Variants in SORCS1 observed in about 807,000 individuals in gnomAD.
SORCS1 encodes the protein sortilin related VPS10 domain containing receptor 1.
SORCS1 carries 60 observed loss-of-function variants against 146.1 expected under a neutral mutation model. The observed-to-expected ratio is 0.41, with a 90% CI of 0.33 to 0.51. The LOEUF (loss-of-function observed/expected upper bound fraction) is 0.51. Ranked by LOEUF, SORCS1 falls within the 20% of genes least tolerant of loss-of-function variation. The probability of loss-of-function intolerance (pLI) is 0.21; values close to 1 mark genes in which losing one functional copy is unlikely to be tolerated. For synonymous variants in SORCS1, 637 were observed against 584.0 expected (o/e 1.09, Z -1.31); for missense variants, 1,352 against 1,487.6 (o/e 0.91, Z 1.50).
chr10:106,732,828 A>C (rs1050436463), intron 5 of SORCS1, among the ~76,000 whole-genome samples: 12 of 152,206 alleles, frequency 7.9e-5, no homozygotes, highest in Admixed American at 1.3e-4. Flanking sequence ...CAACAAACAA[A>C]AAACAGGCAA....
intron 1 of SORCS1, among the ~76,000 whole-genome samples, chr10:107,069,897 A>T (rs1203344121): frequency 6.6e-6 from 1 of 152,228 alleles, no homozygotes; most frequent in Non-Finnish European, 1.5e-5. Context: ...ATATTCAAAG[A>T]TTTGTGTGAC....
intron 1 of SORCS1, among the ~76,000 whole-genome samples, chr10:107,064,189 G>A (rs1961516163): frequency 1.3e-5 from 2 of 152,108 alleles, no homozygotes; most frequent in African/African-American, 4.8e-5. Context: ...CTTAGCTAGG[G>A]ATAGAAAAGA....
chr10:106,806,444 G>A (rs146451181), intron 3 of SORCS1, among the ~76,000 whole-genome samples: 29 of 131,950 alleles, frequency 2.2e-4, no homozygotes, highest in African/African-American at 4.5e-4. Flanking sequence ...ATGGAGTAGC[G>A]TCTACCTACC....
In SORCS1 at chr10:106,850,121, G is replaced by A. The variant is rs529588631; in HGVS notation, c.627-20448C>T. Reference sequence around the variant, plus strand: ...AGCTGTGGTGGGCTCCACCCAGTTCGAGCTTCCCGGCTGCTTTGTTTACCT... The same window carrying A: ...AGCTGTGGTGGGCTCCACCCAGTTCAAGCTTCCCGGCTGCTTTGTTTACCT... On this transcript the variant is annotated intron_variant, in intron 2 of 25. Coordinates refer to ENST00000263054, the MANE Select transcript of SORCS1 (RefSeq NM_052918.5). Among the ~76,000 whole-genome samples the A allele has an allele frequency of 1.8e-3, 266 of 151,882 alleles. 2 individuals are homozygous for A. The highest frequency in any genetic ancestry group is 6.8e-3 in the Middle Eastern group (2 of 294).
chr10:106,732,343 G>T (rs1345003219), intron 5 of SORCS1, among the ~76,000 whole-genome samples: 1 of 152,086 alleles, frequency 6.6e-6, no homozygotes, highest in Non-Finnish European at 1.5e-5. Flanking sequence ...TTTCAGTTAA[G>T]TACTGCAGCG....
At chr10:107,143,366 C>T (rs989842759) in intron 1 of SORCS1, among the ~76,000 whole-genome samples, 3 of 152,138 alleles carry the variant, frequency 2.0e-5, no homozygotes, top group Admixed American at 6.5e-5. Flanking sequence ...CTGGCTCTAT[C>T]GCACAGGCTG....
chr10:107,082,263 T>A (rs540286723), intron 1 of SORCS1, among the ~76,000 whole-genome samples: 1 of 152,324 alleles, frequency 6.6e-6, no homozygotes, highest in African/African-American at 2.4e-5. Context: ...TGGCCTCGAA[T>A]GTTTGGAACT....
intron 1 of SORCS1, among the ~76,000 whole-genome samples, chr10:107,065,463 T>TTTCC: frequency 1.3e-5 from 1 of 75,084 alleles, no homozygotes; most frequent in East Asian, 2.9e-4. Context: ...TCTCTTTCTC[T>TTTCC]CTCCCTCTCC....
intron 1 of SORCS1, among the ~76,000 whole-genome samples, chr10:106,962,718 G>C (rs932729607): frequency 2.6e-5 from 4 of 152,132 alleles, no homozygotes; most frequent in African/African-American, 7.2e-5. Flanking sequence ...CTGGTGCTTC[G>C]TGTAACACAT....
intron 24 of SORCS1, among the ~76,000 whole-genome samples, chr10:106,587,799 T>C (rs1845330655): frequency 6.6e-6 from 1 of 152,194 alleles, no homozygotes; most frequent in African/African-American, 2.4e-5. Context: ...AGGCAACTGA[T>C]AGACAGACAG....
chr10:106,868,864 G>A (rs901352166), intron 2 of SORCS1, among the ~76,000 whole-genome samples: 3 of 152,046 alleles, frequency 2.0e-5, no homozygotes, highest in Non-Finnish European at 4.4e-5. Context: ...AGAAAATCAC[G>A]ACATGAAAAA....
At chr10:106,871,722 T>C (rs531762038) in intron 2 of SORCS1, among the ~76,000 whole-genome samples, 280 of 152,192 alleles carry the variant, frequency 1.8e-3, no homozygotes, top group Middle Eastern at 0.017. Context: ...AAGGGAATAA[T>C]AGATTCTGGG....
At chr10:106,968,073 G>A (rs1444323192) in intron 1 of SORCS1, among the ~76,000 whole-genome samples, 2 of 151,944 alleles carry the variant, frequency 1.3e-5, no homozygotes, top group Non-Finnish European at 2.9e-5. Context: ...AGCTGGGCGT[G>A]GTGGCGGGTG....
At chr10:106,957,824 A>G (rs956851113) in intron 1 of SORCS1, among the ~76,000 whole-genome samples, 1 of 152,190 alleles carries the variant, frequency 6.6e-6, no homozygotes, top group African/African-American at 2.4e-5. Context: ...AGAGGAACCT[A>G]AACTATTTCA....
At chr10:107,032,477 C>CT (rs1286255044) in intron 1 of SORCS1, among the ~76,000 whole-genome samples, 2 of 152,146 alleles carry the variant, frequency 1.3e-5, no homozygotes, top group Non-Finnish European at 2.9e-5. Context: ...CCTGGAACTC[C>CT]TAGAGTTTCT....
intron 17 of SORCS1, among the ~76,000 whole-genome samples, chr10:106,662,127 C>A (rs77494088): frequency 0.017 from 2,633 of 152,282 alleles, 77 homozygotes; most frequent in African/African-American, 0.059. Flanking sequence ...TGCAACCATT[C>A]ACTTCTACAT....
intron 2 of SORCS1, 35 bp downstream of exon 2, chr10:106,956,478 A>C: frequency 6.2e-7 from 1 of 1,601,490 alleles, no homozygotes. Context: ...ATGCTTAAAT[A>C]ACACGGTAAT....
rs751339716 is a variant in SORCS1, at chr10:107,164,040, T to C, written c.487A>G (p.Thr163Ala). The C allele has an allele frequency of 7.5e-5, 121 of 1,613,966 alleles. No individual in the cohort carries two copies. Among genetic ancestry groups the C allele is most frequent in the Non-Finnish European group, 9.4e-5 (111 of 1,180,026 alleles). Residue 163 changes from threonine to alanine, a missense_variant, in exon 1 of 26, where the codon ACC becomes GCC. Coordinates refer to ENST00000263054, the MANE Select transcript of SORCS1 (RefSeq NM_052918.5). This position sits in a 1 kb window ranked among gnomAD's most constrained non-coding sequence, Gnocchi z 6.8. ...FRMEELRLTS[T>A]TFALTGDSAH... ...GAGTCTCCCGTCAGCGCAAACGTGG[T>C]GCTGGTCAGTCTCAGCTCCTCCATC...
chr10:106,990,381 T>G (rs1956717719), intron 1 of SORCS1, among the ~76,000 whole-genome samples: 1 of 152,220 alleles, frequency 6.6e-6, no homozygotes, highest in African/African-American at 2.4e-5. Context: ...GTGATTCTCC[T>G]GCCTCAGCCT....
Sources: allele counts gnomAD v4.1 joint callset (sites outside exome capture counted in the v4.1 genomes callset), GRCh38; gene constraint gnomAD v4.1.1; non-coding constraint Gnocchi (gnomAD v3.1); transcripts MANE v1.5; gene names NCBI Gene and HGNC (gene_info 2026-07-23, HGNC 2026-07-21).